Variants in SCFD2 observed in about 807,000 individuals in gnomAD.
SCFD2 encodes the protein sec1 family domain containing 2, also known as sec1 family domain-containing protein 2.
In SCFD2, 54 loss-of-function variants were observed where a neutral mutation model predicts 58.9. The observed-to-expected ratio is 0.92, with a 90% confidence interval of 0.74 to 1.15. The LOEUF is 1.15. SCFD2 is among the 50% of genes most tolerant of loss of function. The pLI, the probability that SCFD2 is intolerant of heterozygous loss-of-function variation, is 0.00. For missense variants in SCFD2, 805 were observed against 836.6 expected (o/e 0.96, Z 0.47); for synonymous variants, 321 against 335.9 (o/e 0.96, Z 0.49).
At chr4:53,012,489 A>G (rs1419861733) in intron 5 of SCFD2, among the ~76,000 whole-genome samples, 1 of 152,094 alleles carries the variant, frequency 6.6e-6, no homozygotes, top group Non-Finnish European at 1.5e-5. Context: ...AGAAGAACCC[A>G]GGGCTGGCTA....
intron 4 of SCFD2, among the ~76,000 whole-genome samples, chr4:53,175,074 C>T (rs1344351768): frequency 4.6e-5 from 7 of 152,250 alleles, no homozygotes; most frequent in African/African-American, 1.7e-4. Flanking sequence ...CCCACAATGG[C>T]TGCATACTTT....
intron 4 of SCFD2, among the ~76,000 whole-genome samples, chr4:53,183,273 C>A (rs1400498713): frequency 6.6e-6 from 1 of 152,104 alleles, no homozygotes; most frequent in Non-Finnish European, 1.5e-5. Flanking sequence ...CAACAATAGA[C>A]CGGATTATGA....
At chr4:53,267,558 C>A (rs1397611073) in intron 4 of SCFD2, among the ~76,000 whole-genome samples, 1 of 152,160 alleles carries the variant, frequency 6.6e-6, no homozygotes, top group Non-Finnish European at 1.5e-5. Context: ...ATGTTTACTT[C>A]TTTTCCCCAA....
chr4:53,175,011 CAGT>C (rs1727287131), intron 4 of SCFD2, among the ~76,000 whole-genome samples: 1 of 152,160 alleles, frequency 6.6e-6, no homozygotes, highest in Non-Finnish European at 1.5e-5. Context: ...GCTCTAATTT[CAGT>C]TTACTCTGGG....
In SCFD2 at chr4:53,118,193, C is replaced by T. The variant is rs114558658; in HGVS notation, c.1561+27140G>A. ...AGTAATGTTGCCATTAAACCACAGG[C>T]TCTTTGAGGGCAGGGGATTTTTTCT... is the stretch of plus-strand genomic sequence containing the variant. On this transcript the variant is annotated intron_variant, in intron 5 of 8. Coordinates refer to ENST00000401642, the MANE Select transcript of SCFD2 (RefSeq NM_152540.4). 2.3e-3 allele frequency among the ~76,000 whole-genome samples: 354 copies of T among 152,278 alleles called. 2 individuals carry two copies. The highest frequency in any genetic ancestry group is 3.6e-3 in the Non-Finnish European group (242 of 68,032).
intron 5 of SCFD2, among the ~76,000 whole-genome samples, chr4:53,122,431 G>A (rs1053772061): frequency 6.6e-5 from 10 of 151,520 alleles, no homozygotes; most frequent in African/African-American, 2.4e-4. Context: ...CTGACAAGCC[G>A]CAGCTCACTC....
intron 5 of SCFD2, among the ~76,000 whole-genome samples, chr4:52,982,192 T>C (rs1011207767): frequency 2.6e-5 from 4 of 152,202 alleles, no homozygotes; most frequent in African/African-American, 9.6e-5. Flanking sequence ...CTGCACTGCA[T>C]GGTGTCTGTC....
intron 2 of SCFD2, among the ~76,000 whole-genome samples, chr4:53,333,334 A>G (rs1733559359): frequency 7.0e-6 from 1 of 142,816 alleles, no homozygotes; most frequent in Admixed American, 7.2e-5. Context: ...GCATCACGCT[A>G]CCTGACTTCA....
chr4:53,084,349 C>T (rs575792690), intron 5 of SCFD2, among the ~76,000 whole-genome samples: 7 of 152,090 alleles, frequency 4.6e-5, no homozygotes, highest in African/African-American at 9.6e-5. Context: ...TCTTTTTGCC[C>T]GACCCCACAG....
At chr4:53,175,862 C>A (rs1727312246) in intron 4 of SCFD2, among the ~76,000 whole-genome samples, 1 of 152,134 alleles carries the variant, frequency 6.6e-6, no homozygotes, top group Non-Finnish European at 1.5e-5. Context: ...CTTTACAATC[C>A]CATAACACAT....
intron 5 of SCFD2, among the ~76,000 whole-genome samples, chr4:53,007,758 C>T (rs1722010808): frequency 1.3e-5 from 2 of 152,212 alleles, no homozygotes; most frequent in South Asian, 4.1e-4. Flanking sequence ...CCTCTACTCA[C>T]TAGCCATCCT....
chr4:53,154,874 C>A (rs1464109972), intron 4 of SCFD2, among the ~76,000 whole-genome samples: 1 of 152,138 alleles, frequency 6.6e-6, no homozygotes, highest in East Asian at 1.9e-4. Context: ...AGAGATTCAA[C>A]ATTTATGGCT....
intron 4 of SCFD2, among the ~76,000 whole-genome samples, chr4:53,207,677 G>C (rs1728477871): frequency 3.3e-5 from 1 of 29,996 alleles, no homozygotes; most frequent in Non-Finnish European, 9.0e-5. Context: ...CTGGTGGGAG[G>C]TGATTGAATC....
intron 5 of SCFD2, among the ~76,000 whole-genome samples, chr4:52,960,399 G>A (rs1440636308): frequency 2.1e-5 from 3 of 144,760 alleles, no homozygotes; most frequent in East Asian, 2.0e-4. Context: ...ACAGAGTTTC[G>A]CTCTTGTTGC....
At chr4:53,169,660 A>C (rs1445017740) in intron 4 of SCFD2, among the ~76,000 whole-genome samples, 3 of 152,220 alleles carry the variant, frequency 2.0e-5, no homozygotes, top group African/African-American at 7.2e-5. Context: ...ATTCCCATCA[A>C]CAGTGCGTAC....
intron 5 of SCFD2, among the ~76,000 whole-genome samples, chr4:53,100,581 C>A (rs77419025): frequency 0.011 from 1,631 of 152,144 alleles, 30 homozygotes; most frequent in African/African-American, 0.037. Flanking sequence ...ATTACAAATT[C>A]TTATTATTAA....
At chr4:52,937,587 C>A (rs930187289) in intron 5 of SCFD2, among the ~76,000 whole-genome samples, 2 of 152,116 alleles carry the variant, frequency 1.3e-5, no homozygotes, top group Admixed American at 1.3e-4. Context: ...TTCAGTGGGA[C>A]AGAAAGCCAC....
At chr4:53,108,802 G>T (rs1440068986) in intron 5 of SCFD2, among the ~76,000 whole-genome samples, 2 of 152,182 alleles carry the variant, frequency 1.3e-5, no homozygotes, top group African/African-American at 4.8e-5. Flanking sequence ...AGAGGAGCTG[G>T]CACCATTCCT....
chr4:53,351,811 C>T (rs563269325), intron 2 of SCFD2, among the ~76,000 whole-genome samples: 1 of 152,250 alleles, frequency 6.6e-6, no homozygotes, highest in African/African-American at 2.4e-5. Context: ...TCAGGAGCTA[C>T]ATATACTAAT....
Sources: allele counts gnomAD v4.1 joint callset (sites outside exome capture counted in the v4.1 genomes callset), GRCh38; gene constraint gnomAD v4.1.1; transcripts MANE v1.5; gene names NCBI Gene and HGNC (gene_info 2026-07-23, HGNC 2026-07-21).